ZNF446: variants seen among roughly 807,000 people sequenced by gnomAD.
ZNF446 encodes zinc finger protein with KRAB and SCAN domains 20.
Under a neutral mutation model 34.0 loss-of-function variants are expected in ZNF446, and 42 were observed. The ratio of observed to expected loss-of-function variants is 1.23; its 90% CI spans 0.96 to 1.60. The LOEUF is 1.60. Ranked by LOEUF, ZNF446 falls within the 40% of genes most tolerant of loss-of-function variation. The probability of loss-of-function intolerance (pLI) is 0.00; values close to 1 mark genes in which losing one functional copy is unlikely to be tolerated. For synonymous variants in ZNF446, 315 were observed against 251.0 expected (o/e 1.25, Z -2.41); for missense variants, 650 against 600.2 (o/e 1.08, Z -0.87).
rs1330666979 is a variant in ZNF446, at chr19:58,480,976, C to T, written c.*250C>T. The stretch of plus-strand genomic sequence containing the variant: ...GTTCCCTTCTATGGCTGACCAGTGC[C>T]TGTGGGGTGACTGCCAAGCACCAGG... On this transcript the variant is annotated 3_prime_UTR_variant, in exon 7 of 7. Transcript: ENST00000594369. This position sits in a 1 kb window ranked among gnomAD's most constrained non-coding sequence, Gnocchi z 7.2. The T allele has an allele frequency of 5.6e-6, 3 of 533,492 alleles. No individual in the cohort carries two copies. Among genetic ancestry groups the T allele is most frequent in the Non-Finnish European group, 1.0e-5 (3 of 299,272 alleles). 33.0% of individuals were successfully genotyped at this position (533,492 alleles called of 1,614,324 possible). A position where few individuals can be genotyped will look rare whatever the true frequency, so the allele number is the denominator to read the frequency against.
Position 58,480,337 on chromosome 19 carries a change from CTG to C in ZNF446, c.965_966del (p.Leu322ArgfsTer76). The C allele has an allele frequency of 5.0e-6, 8 of 1,593,832 alleles. No individual in the cohort carries two copies. The highest frequency in any genetic ancestry group is 6.8e-6 in the Non-Finnish European group (8 of 1,171,112). On this transcript the variant is annotated frameshift_variant, in exon 7 of 7. Coordinates refer to ENST00000594369, the MANE Select transcript of ZNF446 (RefSeq NM_017908.4). LOFTEE classifies it low-confidence loss of function (END_TRUNC). The surrounding 1 kb of genome is among the most constrained non-coding windows in gnomAD (Gnocchi z 7.2). ...TCAGCCCACACCTGCAGAGACGAGA[CTG>C]GAGCCGGCTGCCACCCCCAGGAAGC... is the stretch of plus-strand genomic sequence containing the variant. ...PTQPTPAETR[L>X]EPAATPRKPY...
chr19:58,481,824 C>T (rs1329189212), downstream of ZNF446, among the ~76,000 whole-genome samples: 3 of 152,254 alleles, frequency 2.0e-5, no homozygotes, highest in South Asian at 2.1e-4. Context: ...GATGGAGTCT[C>T]GCTCAGTTGC....
At chr19:58,477,029 C>T in intron 1 of ZNF446, 150 bp from the exon 2 acceptor site, 1 of 551,372 alleles carries the variant, frequency 1.8e-6, no homozygotes, top group South Asian at 2.7e-5. Flanking sequence ...GTCCTGTGAC[C>T]CTCCTCCTTC....
chr19:58,477,284 T>A lies in ZNF446; in HGVS notation c.66T>A (p.Pro22=). The change falls in exon 2 of 7, where the codon CCT becomes CCA. Residue 22 remains proline, a synonymous_variant. Transcript: ENST00000594369. ...ACCCAGAGACCACCCTTGAGGAGCC[T>A]GAGACTGCCCGCCTCCGCTTCCGAG... ...VMDPETTLEE[P]ETARLRFRGF... 1 of 1,612,064 alleles carries A rather than the reference T, an allele frequency of 6.2e-7. No homozygotes were observed. Among genetic ancestry groups the A allele is most frequent in the South Asian group, 1.1e-5 (1 of 90,980 alleles).
rs375781550 is a variant in ZNF446 at position 58,480,326 on chromosome 19, C to T, written c.953C>T (p.Ala318Val). The T allele has an allele frequency of 9.4e-6, 15 of 1,588,436 alleles. No individual in the cohort carries two copies. Among genetic ancestry groups the T allele is most frequent in the Middle Eastern group, 1.7e-4 (1 of 6,032 alleles). Residue 318 changes from alanine to valine, a missense_variant, in exon 7 of 7, where the codon GCA (alanine) becomes GTA (valine). Coordinates refer to ENST00000594369, the MANE Select transcript of ZNF446 (RefSeq NM_017908.4). The surrounding 1 kb of genome is among the most constrained non-coding windows in gnomAD (Gnocchi z 7.2). Reference protein sequence around the residue: ...TPPVPTQPTPAETRLEPAATP... With the variant: ...TPPVPTQPTPVETRLEPAATP... ...CCAGTGCCCACTCAGCCCACACCTGCAGAGACGAGACTGGAGCCGGCTGCC... is the reference window on the plus strand; with the variant it reads ...CCAGTGCCCACTCAGCCCACACCTGTAGAGACGAGACTGGAGCCGGCTGCC...
intron 4 of ZNF446, among the ~76,000 whole-genome samples, chr19:58,478,692 G>A (rs2053111234): frequency 6.6e-6 from 1 of 152,066 alleles, no homozygotes; most frequent in Non-Finnish European, 1.5e-5. Flanking sequence ...AAAGGATTTG[G>A]GCCTCAAGCC....
the ZNF446 span, among the ~76,000 whole-genome samples, chr19:58,486,793 G>T: frequency 6.6e-6 from 1 of 151,246 alleles, no homozygotes; most frequent in Non-Finnish European, 1.5e-5. Flanking sequence ...CTCAAGAGTT[G>T]AAAATGATTT....
At position 58,480,203 on chromosome 19, in the gene ZNF446, G is replaced by A. The variant is rs753374464; in HGVS notation, c.830G>A (p.Cys277Tyr). The change falls in exon 7 of 7, where the codon TGC becomes TAC. Residue 277 changes from cysteine (C) to tyrosine (Y), a missense_variant. Cys to Tyr is a radical substitution (Grantham distance 194). Coordinates refer to ENST00000594369, the MANE Select transcript of ZNF446 (RefSeq NM_017908.4). The surrounding 1 kb of genome is among the most constrained non-coding windows in gnomAD (Gnocchi z 7.2). Reference sequence around the variant, plus strand: ...AATGAGAGTGAGGGTCCACCTGGCTGCCCAGAGGCCCAGCCGCCCCAGGGC... The same window carrying A: ...AATGAGAGTGAGGGTCCACCTGGCTACCCAGAGGCCCAGCCGCCCCAGGGC... ...SGNESEGPPGCPEAQPPQGPG... is the reference protein window; with the variant it reads ...SGNESEGPPGYPEAQPPQGPG... The A allele has an allele frequency of 1.3e-6, 2 of 1,595,928 alleles. No individual in the cohort carries two copies. Among genetic ancestry groups the A allele is most frequent in the East Asian group, 2.2e-5 (1 of 44,742 alleles).
the ZNF446 span, among the ~76,000 whole-genome samples, chr19:58,486,807 C>T: frequency 6.6e-6 from 1 of 151,144 alleles, no homozygotes; most frequent in Admixed American, 6.6e-5. Flanking sequence ...ATGATTTCTT[C>T]TTTTTATTTT....
downstream of ZNF446, among the ~76,000 whole-genome samples, chr19:58,484,199 G>A (rs1747759566): frequency 6.6e-6 from 1 of 150,754 alleles, no homozygotes; most frequent in South Asian, 2.1e-4. Flanking sequence ...CACTTTGAGA[G>A]GCTGAGGCAG....
At position 58,477,211 on chromosome 19, in the gene ZNF446, G is replaced by T; in HGVS notation, c.-8G>T. On this transcript the variant is annotated 5_prime_UTR_variant, in exon 2 of 7. Transcript: ENST00000594369. ...TTGACGATTCCAAGACCACCCCCTT[G>T]AGCAAGAATGCCATCCCCTCTGGGT... 6.5e-7 allele frequency: 1 copy of T among 1,542,852 alleles called. No individual in the cohort carries two copies. The highest frequency in any genetic ancestry group is 1.2e-5 in the South Asian group (1 of 82,256).
In ZNF446 at chr19:58,480,232, G is replaced by T; in HGVS notation, c.859G>T (p.Gly287Trp). 1 of 1,592,940 alleles carries T rather than the reference G, an allele frequency of 6.3e-7. No individual in the cohort carries two copies. Among genetic ancestry groups the T allele is most frequent in the Non-Finnish European group, 8.5e-7 (1 of 1,175,514 alleles). ...CPEAQPPQGP[G>W]PAAWEGLSGA... ...AGAGGCCCAGCCGCCCCAGGGCCCA[G>T]GGCCGGCAGCCTGGGAGGGCTTGTC... The change falls in exon 7 of 7, where the codon GGG (glycine) becomes TGG (tryptophan). Residue 287 changes from glycine (G) to tryptophan (W), a missense_variant. Gly to Trp is a radical substitution (Grantham distance 184). Coordinates refer to ENST00000594369, the MANE Select transcript of ZNF446 (RefSeq NM_017908.4). This position sits in a 1 kb window ranked among gnomAD's most constrained non-coding sequence, Gnocchi z 7.2.
chr19:58,479,757 T>G, intron 5 of ZNF446, 30 bp downstream of exon 5: 1 of 1,539,278 alleles, frequency 6.5e-7, no homozygotes, highest in Non-Finnish European at 8.8e-7. Flanking sequence ...ACCCCGCCCC[T>G]CTCCCTGGGG....
chr19:58,487,783 T>C, the ZNF446 span, among the ~76,000 whole-genome samples: 2 of 152,214 alleles, frequency 1.3e-5, no homozygotes, highest in East Asian at 1.9e-4. Flanking sequence ...TACTCCAGCC[T>C]GGGCAACAGA....
chr19:58,489,089 T>C, the ZNF446 span, among the ~76,000 whole-genome samples: 1,154 of 152,346 alleles, frequency 7.6e-3, 8 homozygotes, highest in Non-Finnish European at 0.011. Flanking sequence ...CATAACCTTA[T>C]GGTTTATAGT....
chr19:58,481,858 A>G (rs1242161806), downstream of ZNF446, among the ~76,000 whole-genome samples: 2 of 152,124 alleles, frequency 1.3e-5, no homozygotes, highest in Non-Finnish European at 2.9e-5. Context: ...CGGTGGCACA[A>G]TCTCGGCTCA....
chr19:58,480,697 C>A lies in ZNF446; in HGVS notation c.1324C>A (p.Arg442Ser). ...CTGGAAGTCGCAGCTGGTCATCCAC[C>A]GCAAGGGCCACCGGCCGGAGGTTCC... The part of the protein sequence containing the change: ...FDWKSQLVIH[R>S]KGHRPEVP The change falls in exon 7 of 7, where the codon CGC becomes AGC. Residue 442 changes from arginine (R) to serine (S), a missense_variant. Coordinates refer to ENST00000594369, the MANE Select transcript of ZNF446 (RefSeq NM_017908.4). This position sits in a 1 kb window ranked among gnomAD's most constrained non-coding sequence, Gnocchi z 7.2. The A allele has an allele frequency of 6.2e-7, 1 of 1,607,838 alleles. No homozygotes were observed. The highest frequency in any genetic ancestry group is 8.5e-7 in the Non-Finnish European group (1 of 1,179,510).
At chr19:58,486,720 G>T in the ZNF446 span, among the ~76,000 whole-genome samples, 9 of 150,560 alleles carry the variant, frequency 6.0e-5, no homozygotes, top group Admixed American at 4.6e-4. Context: ...TTTTTTTTGG[G>T]GGGGGGCGGG....
chr19:58,480,306 GC>G lies in ZNF446; in HGVS notation c.936del (p.Thr313LeufsTer53), dbSNP rs1232138953. ...CTGTGCGCCCAGGGACACCGCCAGT[GC>G]CCACTCAGCCCACACCTGCAGAGAC... ...PTVRPGTPPVPTQPTPAETRL... is the reference protein window; with the variant it reads ...PTVRPGTPPVXTQPTPAETRL... On this transcript the variant is annotated frameshift_variant, in exon 7 of 7. Transcript: ENST00000594369. LOFTEE classifies it low-confidence loss of function (END_TRUNC). This position sits in a 1 kb window ranked among gnomAD's most constrained non-coding sequence, Gnocchi z 7.2. The G allele has an allele frequency of 5.7e-6, 9 of 1,579,446 alleles. No homozygotes were observed. Among genetic ancestry groups the G allele is most frequent in the Non-Finnish European group, 6.9e-6 (8 of 1,163,848 alleles).
Sources: allele counts gnomAD v4.1 joint callset (sites outside exome capture counted in the v4.1 genomes callset), GRCh38; gene constraint gnomAD v4.1.1; non-coding constraint Gnocchi (gnomAD v3.1); transcripts MANE v1.5; gene names NCBI Gene and HGNC (gene_info 2026-07-23, HGNC 2026-07-21).